The following CAB39L variants were observed in gnomAD, a reference collection of about 807,000 sequenced individuals.
The protein encoded by CAB39L is calcium binding protein 39 like.
A neutral mutation model predicts 39.1 loss-of-function variants in CAB39L; 23 were observed. The observed-to-expected ratio is 0.59, with a 90% confidence interval of 0.42 to 0.83. CAB39L has a LOEUF of 0.83. Among genes scored for constraint, CAB39L ranks in the 40% least tolerant of loss-of-function variants. CAB39L has a pLI of 0.00. For synonymous variants in CAB39L, 126 were observed against 137.2 expected (o/e 0.92, Z 0.57); for missense variants, 366 against 391.9 (o/e 0.93, Z 0.56).
intron 10 of CAB39L, among the ~76,000 whole-genome samples, chr13:49,323,929 A>C (rs1954427538): frequency 6.6e-6 from 1 of 152,166 alleles, no homozygotes. Flanking sequence ...GGCCATCTCA[A>C]ATTCAAATTG....
At chr13:49,400,266 A>G (rs1324058111) in intron 3 of CAB39L, among the ~76,000 whole-genome samples, 1 of 152,084 alleles carries the variant, frequency 6.6e-6, no homozygotes, top group East Asian at 1.9e-4. Context: ...TTAACAACAT[A>G]CACTTTCTTC....
At chr13:49,392,274 A>C (rs1956504196) in intron 3 of CAB39L, among the ~76,000 whole-genome samples, 2 of 152,166 alleles carry the variant, frequency 1.3e-5, no homozygotes, top group African/African-American at 4.8e-5. Flanking sequence ...TAGGTACAAT[A>C]AAGGCTATAT....
At chr13:49,319,749 G>T (rs1448873093) in intron 10 of CAB39L, among the ~76,000 whole-genome samples, 41 of 151,428 alleles carry the variant, frequency 2.7e-4, no homozygotes, top group Non-Finnish European at 8.8e-5. Context: ...GTTTACAAGG[G>T]AGTTGCTGTG....
At chr13:49,424,720 A>G (rs1393738306) in intron 3 of CAB39L, among the ~76,000 whole-genome samples, 2 of 152,220 alleles carry the variant, frequency 1.3e-5, no homozygotes, top group Non-Finnish European at 2.9e-5. Context: ...CTTATTTTAA[A>G]ACTTGAGAAT....
chr13:49,381,444 C>T (rs1036949946), intron 4 of CAB39L, among the ~76,000 whole-genome samples: 12 of 152,112 alleles, frequency 7.9e-5, no homozygotes, highest in Non-Finnish European at 1.5e-4. Context: ...ACATTTTCAG[C>T]ACCCAGGAGT....
At chr13:49,346,100 G>GAGAGATATATATATATATATATATATAT (rs1555254610) in intron 7 of CAB39L, among the ~76,000 whole-genome samples, 4 of 30,946 alleles carry the variant, frequency 1.3e-4, no homozygotes, top group South Asian at 9.6e-4. Context: ...ATATATGCTA[G>GAGAGATATATATATATATATATATATAT]ATATATATAT....
intron 3 of CAB39L, among the ~76,000 whole-genome samples, chr13:49,392,756 A>G (rs1384040699): frequency 6.6e-6 from 1 of 152,176 alleles, no homozygotes; most frequent in Admixed American, 6.5e-5. Context: ...GATCTACATT[A>G]TTTTCAGTTT....
intron 3 of CAB39L, among the ~76,000 whole-genome samples, chr13:49,427,907 G>A (rs1027625686): frequency 2.0e-5 from 3 of 152,078 alleles, no homozygotes; most frequent in Non-Finnish European, 2.9e-5. Flanking sequence ...AGTGGAAGGC[G>A]AAACAAGCTC....
At chr13:49,353,578 G>A (rs1955413572) in intron 6 of CAB39L, among the ~76,000 whole-genome samples, 1 of 151,884 alleles carries the variant, frequency 6.6e-6, no homozygotes, top group Admixed American at 6.6e-5. Flanking sequence ...CATCTCTCAA[G>A]GCTTAGTTCA....
intron 1 of CAB39L, among the ~76,000 whole-genome samples, chr13:49,440,023 T>C (rs1957484153): frequency 6.6e-6 from 1 of 151,244 alleles, no homozygotes; most frequent in Non-Finnish European, 1.5e-5. Context: ...TCTCCTATTC[T>C]GCAGGTTATC....
At chr13:49,405,719 G>GGAAGGAAGGAAGGAAGGA (rs1555264155) in intron 3 of CAB39L, among the ~76,000 whole-genome samples, 1 of 94,986 alleles carries the variant, frequency 1.1e-5, no homozygotes, top group African/African-American at 3.8e-5. Flanking sequence ...GAAAGAGAGA[G>GGAAGGAAGGAAGGAAGGA]AGGAAGGAAG....
chr13:49,436,074 T>G (rs1217181858), intron 1 of CAB39L, among the ~76,000 whole-genome samples: 1 of 152,210 alleles, frequency 6.6e-6, no homozygotes, highest in Non-Finnish European at 1.5e-5. Context: ...AGTTATAAAA[T>G]CTTTGGCTTA....
rs918661251 is a variant in CAB39L at position 49,417,025 on chromosome 13, A to C, written c.-32+16293T>G. The stretch of plus-strand genomic sequence containing the variant: ...TGGTGTTTCTCTTTGATGCCTAAAT[A>C]GATATTTGAATTAGATCTCACAGTT... On this transcript the variant is annotated intron_variant, in intron 3 of 10. Coordinates refer to ENST00000409308, the MANE Select transcript of CAB39L (RefSeq NM_001079670.3). 5.3e-5 allele frequency among the ~76,000 whole-genome samples: 8 copies of C among 152,340 alleles called. 1 individual carries two copies. The highest frequency in any genetic ancestry group is 1.3e-4 in the Admixed American group (2 of 15,296).
rs1007492277 is a variant in CAB39L, at chr13:49,310,476, G to T, written c.*338C>A. On this transcript the variant is annotated 3_prime_UTR_variant, in exon 11 of 11. Coordinates refer to ENST00000409308, the MANE Select transcript of CAB39L (RefSeq NM_001079670.3). ...TTCCCAGTTCTCCCCTGAGAACTCA[G>T]TCCTCCTTGAAGACTTGGTGATGCC... The T allele has an allele frequency of 2.0e-5, 4 of 202,016 alleles. No homozygotes were observed. The highest frequency in any genetic ancestry group is 9.3e-5 in the African/African-American group (4 of 43,198). The allele number at this position is 202,016 out of a possible 1,614,324, so 12.5% of individuals were successfully genotyped here.
chr13:49,322,198 C>A (rs1954368296), intron 10 of CAB39L, among the ~76,000 whole-genome samples: 1 of 152,104 alleles, frequency 6.6e-6, no homozygotes, highest in African/African-American at 2.4e-5. Flanking sequence ...TACTTTCTGC[C>A]CCTAGAGCTT....
rs186712250 is a variant in CAB39L at position 49,397,977 on chromosome 13, G to T, written c.-31-15036C>A. Among the ~76,000 whole-genome samples, 402 of 152,084 alleles carry T rather than the reference G, an allele frequency of 2.6e-3. 2 individuals carry two copies. The highest frequency in any genetic ancestry group is 9.4e-3 in the African/African-American group (392 of 41,526). ...TTACTGTTATTGATATTAAGACATGGTTTATACAAATAGTGTGAAATACAA... is the reference window on the plus strand; with the variant it reads ...TTACTGTTATTGATATTAAGACATGTTTTATACAAATAGTGTGAAATACAA... On this transcript the variant is annotated intron_variant, in intron 3 of 10. Coordinates refer to ENST00000409308, the MANE Select transcript of CAB39L (RefSeq NM_001079670.3).
At chr13:49,401,285 G>A (rs1956763719) in intron 3 of CAB39L, 4 of 152,118 alleles carry the variant, frequency 2.6e-5, no homozygotes, top group Non-Finnish European at 1.5e-5. Flanking sequence ...TACCAAGCGT[G>A]GCAGAGAAAA....
intron 3 of CAB39L, among the ~76,000 whole-genome samples, chr13:49,393,903 G>GT (rs1472398572): frequency 6.6e-5 from 10 of 151,998 alleles, no homozygotes; most frequent in African/African-American, 2.4e-4. Flanking sequence ...ATAAAGTACT[G>GT]TAACACAGTA....
At chr13:49,329,539 AAAAAAATATATATATATATATAT>A (rs1954609556) in intron 10 of CAB39L, among the ~76,000 whole-genome samples, 1 of 36,244 alleles carries the variant, frequency 2.8e-5, no homozygotes, top group African/African-American at 1.6e-4. Flanking sequence ...TCAATTAAAA[AAAAAAATATATATATATATATAT>A]ATATATATAT....
Sources: allele counts gnomAD v4.1 joint callset (sites outside exome capture counted in the v4.1 genomes callset), GRCh38; gene constraint gnomAD v4.1.1; transcripts MANE v1.5; gene names NCBI Gene and HGNC (gene_info 2026-07-23, HGNC 2026-07-21).